Variants in SCAPER observed in about 807,000 individuals in gnomAD.
The protein encoded by SCAPER is S-phase cyclin A associated protein in the ER, also known as S phase cyclin A-associated protein in the endoplasmic reticulum.
In SCAPER, 98 loss-of-function variants were observed where a neutral mutation model predicts 182.2. The ratio of observed to expected loss-of-function variants is 0.54; its 90% CI spans 0.46 to 0.64. The LOEUF (loss-of-function observed/expected upper bound fraction) is 0.64, where lower values mean the gene tolerates loss of function less well. SCAPER is among the 30% of genes least tolerant of loss of function. SCAPER has a pLI of 0.00. For missense variants in SCAPER, 1,432 were observed against 1,690.0 expected, an observed-to-expected ratio of 0.85 and a Z score of 2.68; for synonymous variants, 605 against 564.6, an observed-to-expected ratio of 1.07 and a Z score of -1.01.
intron 23 of SCAPER, among the ~76,000 whole-genome samples, chr15:76,524,882 T>G (rs2043090809): frequency 6.6e-6 from 1 of 151,986 alleles, no homozygotes; most frequent in African/African-American, 2.4e-5. Context: ...GTATGCCCCT[T>G]AAAATGTGAA....
intron 20 of SCAPER, among the ~76,000 whole-genome samples, chr15:76,693,974 G>C (rs546038557): frequency 3.7e-4 from 57 of 152,126 alleles, no homozygotes; most frequent in Middle Eastern, 3.4e-3. Flanking sequence ...TACTTAAAAA[G>C]GGTTAAGACG....
At chr15:76,518,423 G>C (rs1484909017) in intron 23 of SCAPER, among the ~76,000 whole-genome samples, 2 of 152,116 alleles carry the variant, frequency 1.3e-5, no homozygotes, top group Non-Finnish European at 2.9e-5. Flanking sequence ...AAAGTCTTTA[G>C]ATGAGGCACA....
intron 25 of SCAPER, among the ~76,000 whole-genome samples, chr15:76,457,980 A>G (rs1596737981): frequency 6.6e-6 from 1 of 151,990 alleles, no homozygotes; most frequent in East Asian, 1.9e-4. Context: ...TCGGAGGTGT[A>G]TATATATTTA....
At chr15:76,521,751 G>C (rs561335425) in intron 23 of SCAPER, among the ~76,000 whole-genome samples, 5 of 152,190 alleles carry the variant, frequency 3.3e-5, no homozygotes, top group African/African-American at 1.2e-4. Context: ...AAGTATTAAT[G>C]TCTTTAATAA....
intron 21 of SCAPER, among the ~76,000 whole-genome samples, chr15:76,650,724 C>A (rs531537212): frequency 6.6e-5 from 10 of 152,022 alleles, no homozygotes; most frequent in Admixed American, 2.0e-4. Flanking sequence ...AATATAAGTG[C>A]ATTTCAAGTA....
chr15:76,840,417 C>CA (rs35131345), intron 5 of SCAPER, among the ~76,000 whole-genome samples: 1,223 of 103,238 alleles, frequency 0.012, 25 homozygotes, highest in Admixed American at 0.058. Flanking sequence ...AGACCTGCCT[C>CA]AAAAAAAAAA....
At chr15:76,377,440 T>C (rs1464604816) in intron 28 of SCAPER, among the ~76,000 whole-genome samples, 1 of 152,216 alleles carries the variant, frequency 6.6e-6, no homozygotes, top group Non-Finnish European at 1.5e-5. Context: ...GTGCCCTCTG[T>C]TTAACCTTCA....
chr15:76,418,268 C>T (rs935759798), intron 26 of SCAPER, among the ~76,000 whole-genome samples: 1 of 152,182 alleles, frequency 6.6e-6, no homozygotes, highest in African/African-American at 2.4e-5. Context: ...CTGCCTCTGC[C>T]ACACTGTCTT....
At chr15:76,373,635 C>G (rs1415022212) in intron 29 of SCAPER, among the ~76,000 whole-genome samples, 2 of 152,180 alleles carry the variant, frequency 1.3e-5, no homozygotes, top group Non-Finnish European at 2.9e-5. Context: ...CCCCTGGCAA[C>G]AGGGTCTGTA....
At chr15:76,517,629 G>A (rs888746994) in intron 23 of SCAPER, among the ~76,000 whole-genome samples, 6 of 152,122 alleles carry the variant, frequency 3.9e-5, no homozygotes, top group African/African-American at 1.4e-4. Flanking sequence ...GGAATTACAA[G>A]CGTAAGCCAC....
chr15:76,421,010 C>G (rs528919170), intron 26 of SCAPER, among the ~76,000 whole-genome samples: 1 of 152,264 alleles, frequency 6.6e-6, no homozygotes, highest in South Asian at 2.1e-4. Flanking sequence ...TTTCTTAATC[C>G]ACTCTATCAA....
At chr15:76,811,836 A>G (rs1336569277) in intron 5 of SCAPER, among the ~76,000 whole-genome samples, 1 of 151,758 alleles carries the variant, frequency 6.6e-6, no homozygotes, top group Non-Finnish European at 1.5e-5. Flanking sequence ...AAAAAGGGAA[A>G]ACAAAACAAA....
At chr15:76,430,463 C>T (rs1036228706) in intron 26 of SCAPER, among the ~76,000 whole-genome samples, 2 of 152,202 alleles carry the variant, frequency 1.3e-5, no homozygotes, top group Admixed American at 6.5e-5. Context: ...CAGGCAGAGC[C>T]GCCCAACACG....
intron 23 of SCAPER, among the ~76,000 whole-genome samples, chr15:76,548,173 G>T (rs1567420446): frequency 1.3e-5 from 2 of 151,572 alleles, no homozygotes; most frequent in South Asian, 2.1e-4. Context: ...ACATAAACAC[G>T]CTCTTTGAGG....
chr15:76,378,221 ATCT>A (rs1320452032), intron 28 of SCAPER, among the ~76,000 whole-genome samples: 1 of 152,086 alleles, frequency 6.6e-6, no homozygotes, highest in East Asian at 1.9e-4. Context: ...GTCTTATATC[ATCT>A]TGTCTAACTC....
At chr15:76,544,659 A>T (rs1297489212) in intron 23 of SCAPER, among the ~76,000 whole-genome samples, 2 of 152,104 alleles carry the variant, frequency 1.3e-5, no homozygotes, top group Non-Finnish European at 2.9e-5. Context: ...CAGGATTGGG[A>T]GGTTAGTGGG....
intron 15 of SCAPER, among the ~76,000 whole-genome samples, chr15:76,741,638 T>G (rs2061544387): frequency 6.6e-6 from 1 of 152,036 alleles, no homozygotes; most frequent in African/African-American, 2.4e-5. Flanking sequence ...CCAAAGAAGA[T>G]GTCAGAAAAA....
intron 6 of SCAPER, among the ~76,000 whole-genome samples, chr15:76,803,732 T>A (rs1000633711): frequency 1.3e-5 from 2 of 151,954 alleles, no homozygotes; most frequent in South Asian, 4.2e-4. Flanking sequence ...ATCCCACTCA[T>A]AAGGGCTCCA....
At chr15:76,587,747 T>A (rs984468527) in intron 22 of SCAPER, among the ~76,000 whole-genome samples, 2 of 152,126 alleles carry the variant, frequency 1.3e-5, no homozygotes, top group African/African-American at 4.8e-5. Context: ...ATTAATAGAA[T>A]GTATATTCTG....
Sources: gnomAD v4.1 joint callset for allele counts (sites outside exome capture counted in the v4.1 genomes callset) on GRCh38, gnomAD v4.1.1 for gene constraint, MANE v1.5 for transcripts, NCBI Gene and HGNC (gene_info 2026-07-23, HGNC 2026-07-21) for gene names.